Variants in AP3S1 observed in about 807,000 individuals in gnomAD.
AP3S1 encodes the protein adaptor related protein complex 3 subunit sigma 1.
Under a neutral mutation model 21.3 loss-of-function variants are expected in AP3S1, and 12 were observed. That is an observed-to-expected ratio of 0.56 (90% CI 0.36 to 0.91). AP3S1 has a LOEUF of 0.91. Ranked by LOEUF, AP3S1 falls within the 40% of genes least tolerant of loss-of-function variation. The pLI is 0.01. For missense variants in AP3S1, 116 were observed against 225.0 expected (o/e 0.52, Z 3.10); for synonymous variants, 48 against 78.4 (o/e 0.61, Z 2.05).
intron 1 of AP3S1, among the ~76,000 whole-genome samples, chr5:115,851,130 G>C (rs957960262): frequency 1.3e-5 from 2 of 152,184 alleles, no homozygotes; most frequent in Non-Finnish European, 2.9e-5. Context: ...TGTGATTGCT[G>C]TCACATTTTA....
At chr5:115,845,421 T>C (rs1303466033) in intron 1 of AP3S1, among the ~76,000 whole-genome samples, 1 of 152,202 alleles carries the variant, frequency 6.6e-6, no homozygotes, top group Non-Finnish European at 1.5e-5. Flanking sequence ...CATTTCATGC[T>C]GTAATAGATT....
chr5:115,854,535 C>T (rs1762661657), intron 1 of AP3S1, among the ~76,000 whole-genome samples: 1 of 152,126 alleles, frequency 6.6e-6, no homozygotes, highest in African/African-American at 2.4e-5. Context: ...GTTAGGCCTG[C>T]CCATGTACAC....
At chr5:115,903,602 A>G (rs1318285929) in intron 5 of AP3S1, 2 of 152,308 alleles carry the variant, frequency 1.3e-5, no homozygotes, top group East Asian at 1.9e-4. Context: ...TCTTTATTGC[A>G]TTCTATAAGA....
Position 115,841,940 on chromosome 5 carries a change from G to C in AP3S1, c.-98G>C. 1.3e-6 allele frequency: 2 copies of C among 1,512,106 alleles called. No individual in the cohort carries two copies. Among genetic ancestry groups the C allele is most frequent in the South Asian group, 1.3e-5 (1 of 79,730 alleles). 93.7% of individuals were successfully genotyped at this position (1,512,106 alleles called of 1,614,324 possible). ...CGCGCGCGGTCGCGTGCGGGAGGGGGCGGGTGGGGAAGGATCGCAGGCGAG... is the reference window on the plus strand; with the variant it reads ...CGCGCGCGGTCGCGTGCGGGAGGGGCCGGGTGGGGAAGGATCGCAGGCGAG... On this transcript the variant is annotated 5_prime_UTR_variant, in exon 1 of 6. Coordinates refer to ENST00000316788, the MANE Select transcript of AP3S1 (RefSeq NM_001284.4).
intron 5 of AP3S1, chr5:115,909,123 G>T: frequency 3.1e-6 from 1 of 325,198 alleles, no homozygotes; most frequent in Non-Finnish European, 4.4e-6. Context: ...TGGTAGGATG[G>T]TATTTTATGT....
At chr5:115,890,440 G>T (rs1171718578) in intron 3 of AP3S1, among the ~76,000 whole-genome samples, 1 of 152,184 alleles carries the variant, frequency 6.6e-6, no homozygotes, top group African/African-American at 2.4e-5. Flanking sequence ...ATATGGTTCA[G>T]ACATAGATAA....
chr5:115,877,741 G>A (rs371997600), intron 3 of AP3S1, among the ~76,000 whole-genome samples: 1 of 152,182 alleles, frequency 6.6e-6, no homozygotes, highest in East Asian at 1.9e-4. Context: ...AGGTCAAATG[G>A]TATTTCTGGT....
chr5:115,888,927 T>A lies in AP3S1; in HGVS notation c.274-6160T>A, dbSNP rs79076130. Among the ~76,000 whole-genome samples the A allele has an allele frequency of 4.5e-3, 684 of 152,250 alleles. 7 individuals carry two copies. Among genetic ancestry groups the A allele is most frequent in the African/African-American group, 0.016 (662 of 41,540 alleles). On this transcript the variant is annotated intron_variant, in intron 3 of 5. Coordinates refer to ENST00000316788, the MANE Select transcript of AP3S1 (RefSeq NM_001284.4). The stretch of plus-strand genomic sequence containing the variant: ...ATGATAATCCAGAAAAGTAAGTAGT[T>A]TTATCTCTATCTTATAGTTCTGAGA...
intron 3 of AP3S1, among the ~76,000 whole-genome samples, chr5:115,871,031 C>T (rs1316209118): frequency 1.3e-5 from 2 of 152,162 alleles, no homozygotes; most frequent in East Asian, 1.9e-4. Context: ...AGATGAGGAA[C>T]GCCAAGTTTA....
intron 3 of AP3S1, among the ~76,000 whole-genome samples, chr5:115,875,427 A>G (rs756036356): frequency 6.6e-6 from 1 of 152,194 alleles, no homozygotes; most frequent in Non-Finnish European, 1.5e-5. Flanking sequence ...ATCTATCATG[A>G]TGGTAGGCCT....
intron 1 of AP3S1, among the ~76,000 whole-genome samples, chr5:115,862,698 C>G (rs1021294375): frequency 1.3e-5 from 2 of 152,198 alleles, no homozygotes; most frequent in Admixed American, 6.5e-5. Context: ...CAATTTGTCT[C>G]TCTAGTAAAT....
chr5:115,889,000 G>A (rs1485350043), intron 3 of AP3S1, among the ~76,000 whole-genome samples: 1 of 152,230 alleles, frequency 6.6e-6, no homozygotes, highest in East Asian at 1.9e-4. Flanking sequence ...GGGATTTGAA[G>A]GCATGTATGT....
At chr5:115,880,235 C>A (rs1459956023) in intron 3 of AP3S1, among the ~76,000 whole-genome samples, 1 of 152,206 alleles carries the variant, frequency 6.6e-6, no homozygotes. Flanking sequence ...TATTTCTTGT[C>A]TTCTGCTAGC....
chr5:115,870,193 A>G (rs1039561565), intron 3 of AP3S1, 65 bp downstream of exon 3: 29 of 1,000,306 alleles, frequency 2.9e-5, no homozygotes, highest in Non-Finnish European at 4.1e-5. Context: ...TTAAAAACTT[A>G]TATATTCTAA....
chr5:115,907,990 T>C (rs1206836336), intron 5 of AP3S1, among the ~76,000 whole-genome samples: 2 of 152,126 alleles, frequency 1.3e-5, no homozygotes, highest in Admixed American at 1.3e-4. Flanking sequence ...ACTTACTAAT[T>C]AGAAAAACAT....
intron 5 of AP3S1, chr5:115,906,926 T>G (rs963609558): frequency 1.4e-6 from 2 of 1,447,160 alleles, no homozygotes; most frequent in Non-Finnish European, 1.8e-6. Flanking sequence ...CAAAGGCAAT[T>G]AATTATTTAG....
At chr5:115,912,507 A>G (rs1255285087) in intron 5 of AP3S1, among the ~76,000 whole-genome samples, 1 of 152,094 alleles carries the variant, frequency 6.6e-6, no homozygotes, top group African/African-American at 2.4e-5. Context: ...CAAATTACAA[A>G]TGTTCCTACT....
At chr5:115,892,543 G>C (rs867514635) in intron 3 of AP3S1, among the ~76,000 whole-genome samples, 2 of 152,162 alleles carry the variant, frequency 1.3e-5, no homozygotes, top group Admixed American at 1.3e-4. Context: ...TTAAGTGAAA[G>C]AAGCCAGACA....
intron 1 of AP3S1, among the ~76,000 whole-genome samples, chr5:115,850,012 C>G (rs924143769): frequency 6.6e-6 from 1 of 152,148 alleles, no homozygotes; most frequent in Non-Finnish European, 1.5e-5. Context: ...TAACAGAACT[C>G]AAGAAGAAAA....
Sources: gnomAD v4.1 joint callset for allele counts (sites outside exome capture counted in the v4.1 genomes callset) on GRCh38, gnomAD v4.1.1 for gene constraint, MANE v1.5 for transcripts, NCBI Gene and HGNC (gene_info 2026-07-23, HGNC 2026-07-21) for gene names.